Variants in MTA1 observed in about 807,000 individuals in gnomAD.
The protein encoded by MTA1 is metastasis-associated protein MTA1.
Under a neutral mutation model 97.0 loss-of-function variants are expected in MTA1, and 15 were observed. The ratio of observed to expected loss-of-function variants is 0.15; its 90% CI spans 0.10 to 0.24. MTA1 has a LOEUF of 0.24. MTA1 is among the 10% of genes least tolerant of loss of function. The pLI is 1.00. For missense variants in MTA1, 709 were observed against 1,015.1 expected (o/e 0.70, Z 4.10); for synonymous variants, 435 against 417.5 (o/e 1.04, Z -0.51).
intron 7 of MTA1, among the ~76,000 whole-genome samples, chr14:105,456,231 G>A (rs1000218127): frequency 2.0e-5 from 3 of 152,252 alleles, no homozygotes; most frequent in Non-Finnish European, 2.9e-5. Context: ...AGACAGGTGA[G>A]AACACAGATC....
intron 2 of MTA1, among the ~76,000 whole-genome samples, chr14:105,441,952 T>C (rs1359469060): frequency 6.6e-6 from 1 of 152,134 alleles, no homozygotes; most frequent in African/African-American, 2.4e-5. Flanking sequence ...ACACTTGGGT[T>C]AGGAGAAGTA....
chr14:105,440,575 C>T (rs1264444197), intron 2 of MTA1, among the ~76,000 whole-genome samples: 1 of 152,260 alleles, frequency 6.6e-6, no homozygotes, highest in South Asian at 2.1e-4. Flanking sequence ...GCTTCCAGCC[C>T]TTGGGCGATG....
chr14:105,454,373 T>G, intron 7 of MTA1, 63 bp downstream of exon 7: 2 of 1,189,840 alleles, frequency 1.7e-6, no homozygotes, highest in Non-Finnish European at 2.5e-6. Context: ...GGTGACACAC[T>G]GGGTGAGAGG....
chr14:105,428,410 C>T lies in MTA1; in HGVS notation c.28+8347C>T, dbSNP rs185128819. 2.7e-3 allele frequency among the ~76,000 whole-genome samples: 409 copies of T among 152,160 alleles called. 4 individuals carry two copies. The highest frequency in any genetic ancestry group is 9.2e-3 in the African/African-American group (381 of 41,514). ...GGCTCAAGTGATCCTTCCACCTCAGCCTCCTGAACAGCCGGGACCACAGGT... is the reference window on the plus strand; with the variant it reads ...GGCTCAAGTGATCCTTCCACCTCAGTCTCCTGAACAGCCGGGACCACAGGT... On this transcript the variant is annotated intron_variant, in intron 1 of 20. Transcript: ENST00000331320.
chr14:105,453,259 G>A (rs2083013579), intron 6 of MTA1, among the ~76,000 whole-genome samples: 1 of 152,284 alleles, frequency 6.6e-6, no homozygotes, highest in Admixed American at 6.5e-5. Flanking sequence ...CGCTCCAGCG[G>A]TGGCCGCTCC....
chr14:105,437,341 T>A (rs1374989429), intron 1 of MTA1, among the ~76,000 whole-genome samples: 1 of 150,512 alleles, frequency 6.6e-6, no homozygotes, highest in Non-Finnish European at 1.5e-5. Context: ...GGGAGTGTCC[T>A]CATGGGTGTG....
At chr14:105,450,635 G>A (rs1555428471) in intron 6 of MTA1, among the ~76,000 whole-genome samples, 1 of 152,132 alleles carries the variant, frequency 6.6e-6, no homozygotes, top group East Asian at 1.9e-4. Context: ...GTGGGGGCAG[G>A]GGCCACCTGA....
chr14:105,453,149 G>A lies in MTA1; in HGVS notation c.433-1044G>A, dbSNP rs587696123. On this transcript the variant is annotated intron_variant, in intron 6 of 20. Coordinates refer to ENST00000331320, the MANE Select transcript of MTA1 (RefSeq NM_004689.4). ...AATGCCATCCCAGAGGCAGCCTGGGGGCCCTGGTGTGAGGTTGCCTGAGAT... is the reference window on the plus strand; with the variant it reads ...AATGCCATCCCAGAGGCAGCCTGGGAGCCCTGGTGTGAGGTTGCCTGAGAT... 1.4e-3 allele frequency among the ~76,000 whole-genome samples: 218 copies of A among 152,400 alleles called. 1 individual carries two copies. The highest frequency in any genetic ancestry group is 5.0e-3 in the African/African-American group (210 of 41,602).
At chr14:105,467,185 C>T (rs587692517) in intron 18 of MTA1, 17 of 359,018 alleles carry the variant, frequency 4.7e-5, no homozygotes, top group Admixed American at 2.3e-4. Flanking sequence ...TGGGTGCCTT[C>T]TGTCGGAGGA....
At chr14:105,444,417 G>C (rs928883915) in intron 2 of MTA1, among the ~76,000 whole-genome samples, 1 of 152,018 alleles carries the variant, frequency 6.6e-6, no homozygotes, top group African/African-American at 2.4e-5. Context: ...GTGGTCCTGG[G>C]AGATGGAGGC....
At chr14:105,441,577 A>G (rs1382055874) in intron 2 of MTA1, among the ~76,000 whole-genome samples, 25 of 152,176 alleles carry the variant, frequency 1.6e-4, no homozygotes, top group Admixed American at 5.9e-4. Context: ...GGCGGATCAC[A>G]AGATCAGGAG....
chr14:105,453,092 C>T (rs587619866), intron 6 of MTA1, among the ~76,000 whole-genome samples: 1 of 152,380 alleles, frequency 6.6e-6, no homozygotes, highest in Non-Finnish European at 1.5e-5. Context: ...CAATGCCGGA[C>T]AGCAAAAGGT....
chr14:105,439,123 G>A (rs1555425086), intron 2 of MTA1, among the ~76,000 whole-genome samples: 2 of 30,078 alleles, frequency 6.6e-5, no homozygotes, highest in Non-Finnish European at 1.4e-4. Context: ...CCGAACCCTG[G>A]CAGCCAGCCC....
At chr14:105,449,434 G>C (rs782546093) in intron 4 of MTA1, 25 bp downstream of exon 4, 1 of 1,608,064 alleles carries the variant, frequency 6.2e-7, no homozygotes, top group Admixed American at 1.7e-5. Context: ...CCGCAAGGAG[G>C]GCGTCCTCCT....
intron 1 of MTA1, among the ~76,000 whole-genome samples, chr14:105,425,589 A>G (rs1339030177): frequency 6.6e-6 from 1 of 152,084 alleles, no homozygotes; most frequent in Non-Finnish European, 1.5e-5. Flanking sequence ...CAGAGCATTT[A>G]ATATTCTCCA....
intron 1 of MTA1, among the ~76,000 whole-genome samples, chr14:105,431,870 C>T (rs1595282665): frequency 1.3e-5 from 2 of 152,068 alleles, no homozygotes; most frequent in East Asian, 3.9e-4. Context: ...AGGTGATCCG[C>T]CCACCTCAGC....
intron 7 of MTA1, among the ~76,000 whole-genome samples, chr14:105,457,605 A>G (rs2083200966): frequency 6.6e-6 from 1 of 152,234 alleles, no homozygotes; most frequent in Non-Finnish European, 1.5e-5. Context: ...CCCTCTTGCA[A>G]CAGCATGTGA....
chr14:105,442,201 A>G (rs782037826), intron 2 of MTA1, among the ~76,000 whole-genome samples: 2 of 152,200 alleles, frequency 1.3e-5, no homozygotes, highest in Non-Finnish European at 2.9e-5. Context: ...CACACGAAGC[A>G]CCGGAGTCAA....
intron 19 of MTA1, 26 bp from the exon 20 acceptor site, chr14:105,469,815 G>C (rs2083759028): frequency 6.3e-7 from 1 of 1,587,022 alleles, no homozygotes; most frequent in Non-Finnish European, 8.6e-7. Context: ...TTGGCTGGCT[G>C]CCCAGGAAGT....
Sources: allele counts gnomAD v4.1 joint callset (sites outside exome capture counted in the v4.1 genomes callset), GRCh38; gene constraint gnomAD v4.1.1; transcripts MANE v1.5; gene names NCBI Gene and HGNC (gene_info 2026-07-23, HGNC 2026-07-21).